MRPS6: variants seen among roughly 807,000 people sequenced by gnomAD.
MRPS6 encodes the protein mitochondrial ribosomal protein S6, also known as small ribosomal subunit protein bS6m.
In MRPS6, 6 loss-of-function variants were observed where a neutral mutation model predicts 13.1. That is an observed-to-expected ratio of 0.46 (90% confidence interval 0.25 to 0.91). The LOEUF (loss-of-function observed/expected upper bound fraction) is 0.91. Ranked by LOEUF, MRPS6 falls within the 40% of genes least tolerant of loss-of-function variation. The pLI is 0.18. For missense variants in MRPS6, 164 were observed against 155.6 expected (o/e 1.05, Z -0.29); for synonymous variants, 61 against 56.5 (o/e 1.08, Z -0.36).
chr21:34,141,969 G>A (rs1980921561), intron 2 of MRPS6, among the ~76,000 whole-genome samples: 1 of 152,174 alleles, frequency 6.6e-6, no homozygotes, highest in Admixed American at 6.5e-5. Flanking sequence ...TCTCTTAGGT[G>A]TGTTAGTTCA....
chr21:34,088,668 A>G (rs1307278959), intron 1 of MRPS6, among the ~76,000 whole-genome samples: 1 of 152,232 alleles, frequency 6.6e-6, no homozygotes, highest in Non-Finnish European at 1.5e-5. Context: ...CTGTTTAGAC[A>G]TATAGATGTG....
intron 1 of MRPS6, chr21:34,102,352 A>G (rs1245046902): frequency 4.0e-6 from 4 of 999,610 alleles, no homozygotes; most frequent in Middle Eastern, 5.2e-4. Flanking sequence ...CTTTAAAGGA[A>G]TGTTGTGAGA....
chr21:34,099,727 A>G lies in MRPS6; in HGVS notation c.46-25614A>G, dbSNP rs187554764. The G allele has an allele frequency of 1.0e-5, 10 of 997,390 alleles. No homozygotes were observed. In the East Asian group the frequency reaches 9.1e-4, roughly 90 times the overall value. 61.8% of individuals were successfully genotyped at this position (997,390 alleles called of 1,614,324 possible). On this transcript the variant is annotated intron_variant, in intron 1 of 2. Coordinates refer to ENST00000399312, the MANE Select transcript of MRPS6 (RefSeq NM_032476.4). ...GGTACATCATCTTGTGTCTGTGTGT[A>G]TATAGCAGTAGGTCAAGTTTAGAGT... is the stretch of plus-strand genomic sequence containing the variant.
chr21:34,113,717 A>G (rs1210982064), intron 1 of MRPS6, among the ~76,000 whole-genome samples: 1 of 152,194 alleles, frequency 6.6e-6, no homozygotes, highest in African/African-American at 2.4e-5. Context: ...GTCAAAGTCC[A>G]TGTTTGTCAT....
At chr21:34,107,461 A>T (rs1272455661) in intron 1 of MRPS6, among the ~76,000 whole-genome samples, 1 of 152,218 alleles carries the variant, frequency 6.6e-6, no homozygotes, top group Non-Finnish European at 1.5e-5. Flanking sequence ...AGGTTTCTCC[A>T]GTGTTAGTTA....
intron 1 of MRPS6, chr21:34,095,615 CTCGGTGGATCTGTAT>C: frequency 6.2e-7 from 1 of 1,613,714 alleles, no homozygotes; most frequent in Non-Finnish European, 8.5e-7. Context: ...TCACCAAGCT[CTCGGTGGATCTGTAT>C]TCGGGTGCCC....
At chr21:34,110,545 C>T (rs992023732) in intron 1 of MRPS6, among the ~76,000 whole-genome samples, 3 of 152,032 alleles carry the variant, frequency 2.0e-5, no homozygotes, top group African/African-American at 7.2e-5. Flanking sequence ...TTGAATACCA[C>T]TCATCAAAGC....
At chr21:34,079,417 C>G (rs749821995) in intron 1 of MRPS6, among the ~76,000 whole-genome samples, 2 of 151,676 alleles carry the variant, frequency 1.3e-5, no homozygotes, top group Non-Finnish European at 2.9e-5. Context: ...TGATGTTACT[C>G]CCTTGATTTC....
At chr21:34,088,472 C>T (rs1978511582) in intron 1 of MRPS6, among the ~76,000 whole-genome samples, 1 of 152,228 alleles carries the variant, frequency 6.6e-6, no homozygotes, top group African/African-American at 2.4e-5. Flanking sequence ...AAGATTTCAA[C>T]TGGTTTTTAT....
At chr21:34,074,899 A>G (rs1989289043) in intron 1 of MRPS6, among the ~76,000 whole-genome samples, 1 of 152,174 alleles carries the variant, frequency 6.6e-6, no homozygotes, top group Non-Finnish European at 1.5e-5. Flanking sequence ...TGCTTTGCAT[A>G]TTGTTAACTG....
chr21:34,115,940 T>TA (rs1051325491), intron 1 of MRPS6, among the ~76,000 whole-genome samples: 1 of 151,486 alleles, frequency 6.6e-6, no homozygotes, highest in African/African-American at 2.4e-5. Context: ...TTTTGGAAGA[T>TA]ACATGGATGT....
chr21:34,129,777 C>T (rs982347589), intron 2 of MRPS6, among the ~76,000 whole-genome samples: 6 of 152,124 alleles, frequency 3.9e-5, no homozygotes, highest in African/African-American at 9.7e-5. Flanking sequence ...ACCCCGTTCT[C>T]GTGTGTAGGT....
chr21:34,080,367 GT>G (rs1019440918), intron 1 of MRPS6, among the ~76,000 whole-genome samples: 2 of 152,006 alleles, frequency 1.3e-5, no homozygotes, highest in East Asian at 3.9e-4. Context: ...TCATCTTTCA[GT>G]TTTTTTCCAC....
At chr21:34,090,366 T>G (rs1484670604) in intron 1 of MRPS6, among the ~76,000 whole-genome samples, 1 of 152,212 alleles carries the variant, frequency 6.6e-6, no homozygotes, top group Admixed American at 6.5e-5. Flanking sequence ...TTCCTAGAAC[T>G]TGAGTCAAGG....
chr21:34,104,215 T>C, intron 1 of MRPS6: 1 of 1,000,138 alleles, frequency 1.0e-6, no homozygotes, highest in African/African-American at 1.7e-5. Flanking sequence ...GAAGCATATT[T>C]GCTAGAGGAG....
chr21:34,105,100 T>A, intron 1 of MRPS6: 2 of 1,000,216 alleles, frequency 2.0e-6, no homozygotes, highest in South Asian at 9.4e-5. Flanking sequence ...TTTTTTTTAA[T>A]AATGCCATAC....
chr21:34,123,111 T>C (rs1980179100), intron 1 of MRPS6: 1 of 152,210 alleles, frequency 6.6e-6, no homozygotes, highest in South Asian at 2.1e-4. Flanking sequence ...ATTTTTAAAA[T>C]CCCTAATGGA....
intron 1 of MRPS6, among the ~76,000 whole-genome samples, chr21:34,087,004 C>T (rs910371547): frequency 2.0e-5 from 3 of 152,084 alleles, no homozygotes; most frequent in African/African-American, 4.8e-5. Flanking sequence ...AGGTGGATGT[C>T]GACAGTTGCA....
At chr21:34,121,666 T>C (rs1215335673) in intron 1 of MRPS6, among the ~76,000 whole-genome samples, 2 of 152,190 alleles carry the variant, frequency 1.3e-5, no homozygotes, top group African/African-American at 4.8e-5. Context: ...ATAGTTGGAA[T>C]TGAGTGGTTC....
Sources: allele counts gnomAD v4.1 joint callset (sites outside exome capture counted in the v4.1 genomes callset), GRCh38; gene constraint gnomAD v4.1.1; transcripts MANE v1.5; gene names NCBI Gene and HGNC (gene_info 2026-07-23, HGNC 2026-07-21).